Variants in WDPCP observed in about 807,000 individuals in gnomAD.
The protein encoded by WDPCP is WD repeat containing planar cell polarity effector.
A neutral mutation model predicts 93.1 loss-of-function variants in WDPCP; 71 were observed. That is an observed-to-expected ratio of 0.76 (90% CI 0.63 to 0.93). The LOEUF (loss-of-function observed/expected upper bound fraction) is 0.93. WDPCP is among the 40% of genes least tolerant of loss of function. WDPCP has a pLI of 0.00. For missense variants in WDPCP, 844 were observed against 887.4 expected, an observed-to-expected ratio of 0.95 and a Z score of 0.62; for synonymous variants, 315 against 315.0, an observed-to-expected ratio of 1.00 and a Z score of 0.00.
At position 63,354,075 on chromosome 2, in the gene WDPCP, C is replaced by T. The variant is rs137992278; in HGVS notation, c.1748+24311G>A. Among the ~76,000 whole-genome samples the T allele has an allele frequency of 4.3e-3, 656 of 152,250 alleles. 4 individuals carry two copies. The highest frequency in any genetic ancestry group is 6.1e-3 in the Admixed American group (94 of 15,296). On this transcript the variant is annotated intron_variant, in intron 12 of 17. Coordinates refer to ENST00000272321, the MANE Select transcript of WDPCP (RefSeq NM_015910.7). ...CTCTACAGTGGAACCGCCCTTGCCA[C>T]CCTCAGACTAACAAAGGGGCAAAGA...
intron 2 of WDPCP, among the ~76,000 whole-genome samples, chr2:63,713,893 T>A (rs1272785078): frequency 3.3e-5 from 5 of 152,170 alleles, no homozygotes. Flanking sequence ...AAAACTTAAG[T>A]GGGCTTTGCG....
At chr2:63,616,373 G>A (rs1037969412) in intron 3 of WDPCP, among the ~76,000 whole-genome samples, 4 of 152,146 alleles carry the variant, frequency 2.6e-5, no homozygotes, top group African/African-American at 7.2e-5. Context: ...AACAAACTGG[G>A]GGAATTAAGG....
intron 3 of WDPCP, among the ~76,000 whole-genome samples, chr2:63,607,652 A>T (rs1199703904): frequency 6.6e-6 from 1 of 151,052 alleles, no homozygotes; most frequent in Non-Finnish European, 1.5e-5. Context: ...GACGCGGTGA[A>T]ACCCCATCTC....
At chr2:63,170,090 C>T (rs768023630) in intron 15 of WDPCP, among the ~76,000 whole-genome samples, 13 of 150,514 alleles carry the variant, frequency 8.6e-5, no homozygotes, top group East Asian at 2.0e-4. Flanking sequence ...GATGAGGTCT[C>T]GCTATGTTGC....
intron 17 of WDPCP, among the ~76,000 whole-genome samples, chr2:63,146,420 T>C (rs1180638337): frequency 2.0e-5 from 3 of 151,696 alleles, no homozygotes; most frequent in African/African-American, 7.3e-5. Flanking sequence ...TTTTTTTTTT[T>C]TTTTGACAGA....
chr2:63,558,415 C>T (rs1217536050), intron 1 of WDPCP, among the ~76,000 whole-genome samples: 1 of 151,790 alleles, frequency 6.6e-6, no homozygotes, highest in Non-Finnish European at 1.5e-5. Flanking sequence ...GTAATCCCAG[C>T]TACTTGGGAG....
At chr2:63,649,327 C>T (rs986494075) in intron 3 of WDPCP, among the ~76,000 whole-genome samples, 1 of 152,192 alleles carries the variant, frequency 6.6e-6, no homozygotes, top group Admixed American at 6.5e-5. Context: ...TGTCTGGTTT[C>T]TTTCACTTAG....
intron 2 of WDPCP, among the ~76,000 whole-genome samples, chr2:63,766,971 A>T (rs1056000585): frequency 6.6e-6 from 1 of 152,018 alleles, no homozygotes; most frequent in African/African-American, 2.4e-5. Context: ...TTCTAAGTTC[A>T]TCTTGTCCTT....
intron 14 of WDPCP, among the ~76,000 whole-genome samples, chr2:63,218,434 A>G (rs1257190128): frequency 1.3e-5 from 2 of 152,154 alleles, no homozygotes; most frequent in Non-Finnish European, 2.9e-5. Context: ...ATGGGAACAT[A>G]TATGTGTTTC....
intron 3 of WDPCP, chr2:63,597,492 G>T: frequency 6.6e-7 from 1 of 1,526,250 alleles, no homozygotes; most frequent in Non-Finnish European, 8.8e-7. Context: ...GGCATGGAGA[G>T]AAAAGATTTA....
chr2:63,610,237 T>C (rs1251858778), intron 3 of WDPCP, among the ~76,000 whole-genome samples: 1 of 152,192 alleles, frequency 6.6e-6, no homozygotes, highest in East Asian at 1.9e-4. Context: ...CAAAAGACAT[T>C]ACATTTTAAG....
At position 63,120,903 on chromosome 2, in the gene WDPCP, T is replaced by G. The variant is rs1669514028; in HGVS notation, c.*1103A>C. 1.3e-5 allele frequency among the ~76,000 whole-genome samples: 2 copies of G among 152,132 alleles called. No homozygotes were observed. The highest frequency in any genetic ancestry group is 4.8e-5 in the African/African-American group (2 of 41,420). On this transcript the variant is annotated 3_prime_UTR_variant, in exon 18 of 18. Coordinates refer to ENST00000272321, the MANE Select transcript of WDPCP (RefSeq NM_015910.7). ...TGGGTGTCAATAACTGTGAAGGGTA[T>G]GAGATTTTACCCTACTTACTAGCTA...
chr2:63,433,358 T>C (rs147591211), intron 9 of WDPCP, among the ~76,000 whole-genome samples: 38 of 152,334 alleles, frequency 2.5e-4, no homozygotes, highest in African/African-American at 8.4e-4. Flanking sequence ...ATAATGATAA[T>C]AACAAGAGTC....
intron 2 of WDPCP, among the ~76,000 whole-genome samples, chr2:63,693,285 C>T (rs190859189): frequency 1.5e-4 from 23 of 152,102 alleles, no homozygotes; most frequent in Non-Finnish European, 1.5e-4. Flanking sequence ...TGTTCGTATA[C>T]CCATGAATAT....
At chr2:63,415,884 T>C (rs1181859954) in intron 9 of WDPCP, among the ~76,000 whole-genome samples, 2 of 152,236 alleles carry the variant, frequency 1.3e-5, no homozygotes, top group Non-Finnish European at 2.9e-5. Context: ...TTGTGCTTTT[T>C]GTCCAGTAGC....
chr2:63,188,337 G>A (rs1002493008), intron 14 of WDPCP, among the ~76,000 whole-genome samples: 1 of 151,812 alleles, frequency 6.6e-6, no homozygotes, highest in African/African-American at 2.4e-5. Context: ...TTCTGCTCAG[G>A]TTCTGTTAAT....
chr2:63,231,458 AGCT>A (rs1678875432), intron 14 of WDPCP, among the ~76,000 whole-genome samples: 1 of 152,200 alleles, frequency 6.6e-6, no homozygotes, highest in Admixed American at 6.5e-5. Flanking sequence ...AATCTCCTTA[AGCT>A]GATAAGCAAC....
intron 2 of WDPCP, among the ~76,000 whole-genome samples, chr2:63,767,483 G>T (rs1670160127): frequency 6.6e-6 from 1 of 152,116 alleles, no homozygotes; most frequent in Admixed American, 6.6e-5. Context: ...AGTTCCTGTT[G>T]TTCCATAACC....
chr2:63,370,898 TTATTTTTAA>T (rs1355073573), intron 12 of WDPCP, among the ~76,000 whole-genome samples: 11 of 148,110 alleles, frequency 7.4e-5, no homozygotes, highest in Admixed American at 3.4e-4. Flanking sequence ...TTTGTTACAT[TTATTTTTAA>T]ACTTCCTTCC....
Sources: gnomAD v4.1 joint callset for allele counts (sites outside exome capture counted in the v4.1 genomes callset) on GRCh38, gnomAD v4.1.1 for gene constraint, MANE v1.5 for transcripts, NCBI Gene and HGNC (gene_info 2026-07-23, HGNC 2026-07-21) for gene names.